NAV3: variants seen among roughly 807,000 people sequenced by gnomAD.
The protein encoded by NAV3 is neuron navigator 3, also known as pore membrane and/or filament interacting like protein 1.
NAV3 carries 87 observed loss-of-function variants against 244.7 expected under a neutral mutation model. That is an observed-to-expected ratio of 0.36 (90% CI 0.30 to 0.42). The LOEUF is 0.42. NAV3 is among the 20% of genes least tolerant of loss of function. The pLI, the probability that NAV3 is intolerant of heterozygous loss-of-function variation, is 1.00. For synonymous variants in NAV3, 1,126 were observed against 1,042.2 expected, an observed-to-expected ratio of 1.08 and a Z score of -1.55; for missense variants, 2,663 against 2,893.3, an observed-to-expected ratio of 0.92 and a Z score of 1.83.
chr12:78,206,814 TA>T (rs973514453), intron 39 of NAV3, among the ~76,000 whole-genome samples: 1 of 150,560 alleles, frequency 6.6e-6, no homozygotes, highest in Non-Finnish European at 1.5e-5. Context: ...TCTCTGGTTT[TA>T]AAAAAATAAA....
At chr12:77,970,363 A>G (rs1163697793) in intron 5 of NAV3, among the ~76,000 whole-genome samples, 1 of 152,150 alleles carries the variant, frequency 6.6e-6, no homozygotes, top group Non-Finnish European at 1.5e-5. Flanking sequence ...ACTTACTGTC[A>G]GTTGTTCAAC....
At chr12:77,950,778 T>A (rs984338530) in intron 3 of NAV3, 1 of 152,158 alleles carries the variant, frequency 6.6e-6, no homozygotes, top group Admixed American at 6.6e-5. Context: ...TCTACAACCA[T>A]GTGATCTTTG....
chr12:77,785,397 A>G (rs1378819045), intron 2 of NAV3, among the ~76,000 whole-genome samples: 1 of 152,118 alleles, frequency 6.6e-6, no homozygotes, highest in African/African-American at 2.4e-5. Context: ...TCTCCTAAAC[A>G]GAGATTGGGA....
intron 1 of NAV3, among the ~76,000 whole-genome samples, chr12:77,926,374 A>G (rs976291788): frequency 6.6e-6 from 1 of 152,156 alleles, no homozygotes; most frequent in Non-Finnish European, 1.5e-5. Flanking sequence ...TACCTTATGC[A>G]TCTTACCTTC....
At chr12:78,140,138 A>G (rs907825575) in intron 19 of NAV3, 144 bp from the exon 20 acceptor site, 119 of 666,802 alleles carry the variant, frequency 1.8e-4, no homozygotes, top group Middle Eastern at 4.0e-4. Flanking sequence ...CCAAAAAATT[A>G]TAGCAGGCTG....
At chr12:77,779,885 A>T (rs891730942) in intron 2 of NAV3, among the ~76,000 whole-genome samples, 1 of 152,226 alleles carries the variant, frequency 6.6e-6, no homozygotes, top group Admixed American at 6.5e-5. Flanking sequence ...GCCTCTTTGC[A>T]TCTTAAACAG....
intron 2 of NAV3, among the ~76,000 whole-genome samples, chr12:77,594,738 C>G (rs77907948): frequency 6.6e-6 from 1 of 152,168 alleles, no homozygotes. Flanking sequence ...AAGCAACATA[C>G]AGTAGAATAA....
intron 18 of NAV3, among the ~76,000 whole-genome samples, chr12:78,131,312 A>T (rs910225253): frequency 6.6e-6 from 1 of 152,218 alleles, no homozygotes; most frequent in African/African-American, 2.4e-5. Flanking sequence ...CATATCAAAC[A>T]CCAAGTTTTT....
At chr12:78,012,221 C>T (rs1875420283) in intron 8 of NAV3, among the ~76,000 whole-genome samples, 1 of 152,008 alleles carries the variant, frequency 6.6e-6, no homozygotes, top group Admixed American at 6.6e-5. Flanking sequence ...TGAAACATAC[C>T]CTCAATCAGA....
intron 1 of NAV3, among the ~76,000 whole-genome samples, chr12:77,939,826 G>T (rs1025164306): frequency 4.6e-5 from 7 of 152,134 alleles, no homozygotes; most frequent in Non-Finnish European, 5.9e-5. Flanking sequence ...AGACAGGAAG[G>T]TATTTGTAAT....
chr12:77,840,985 A>G (rs915045827), intron 1 of NAV3, among the ~76,000 whole-genome samples: 3 of 152,200 alleles, frequency 2.0e-5, no homozygotes, highest in Non-Finnish European at 2.9e-5. Context: ...TCTTTGACAA[A>G]TTTCACTTTG....
intron 2 of NAV3, among the ~76,000 whole-genome samples, chr12:77,732,077 A>G (rs1877150098): frequency 6.6e-6 from 1 of 151,994 alleles, no homozygotes; most frequent in African/African-American, 2.4e-5. Flanking sequence ...TAAAACATGT[A>G]TTTGGAATCA....
chr12:77,654,718 G>T (rs942792209), intron 2 of NAV3, among the ~76,000 whole-genome samples: 18 of 152,154 alleles, frequency 1.2e-4, no homozygotes, highest in African/African-American at 4.3e-4. Context: ...AGTAGGGGCA[G>T]ACTGACACCT....
At chr12:77,864,134 G>A (rs1879666958) in intron 1 of NAV3, among the ~76,000 whole-genome samples, 1 of 151,676 alleles carries the variant, frequency 6.6e-6, no homozygotes, top group Non-Finnish European at 1.5e-5. Context: ...CCCCCAATTT[G>A]GTTTGTACTT....
In NAV3 at chr12:77,573,642, A is replaced by G. The variant is rs74500568; in HGVS notation, c.72+1376A>G. 9.3e-3 allele frequency among the ~76,000 whole-genome samples: 1,420 copies of G among 152,254 alleles called. 22 individuals carry two copies. The highest frequency in any genetic ancestry group is 0.032 in the African/African-American group (1,319 of 41,546). ...CAATCTAAAGCATTCTCTGCAATTT[A>G]ACTACTAAGAAGCCATTTAATCATC... On this transcript the variant is annotated intron_variant, in intron 2 of 8. Transcript: ENST00000550042.
At chr12:77,915,479 A>G (rs978249593) in intron 1 of NAV3, among the ~76,000 whole-genome samples, 1 of 152,038 alleles carries the variant, frequency 6.6e-6, no homozygotes, top group African/African-American at 2.4e-5. Context: ...ACGTTTGACA[A>G]AAACAGGCAA....
chr12:78,032,067 G>C (rs527336724), intron 9 of NAV3, among the ~76,000 whole-genome samples: 3 of 151,988 alleles, frequency 2.0e-5, no homozygotes, highest in Non-Finnish European at 2.9e-5. Context: ...AAATAACTGA[G>C]CCCCTGAAAA....
chr12:77,755,583 C>CT (rs770337739), intron 2 of NAV3, among the ~76,000 whole-genome samples: 12 of 25,158 alleles, frequency 4.8e-4, no homozygotes, highest in East Asian at 2.5e-3. Flanking sequence ...CTTTCCTTTC[C>CT]TCCCTCCCTC....
Position 78,049,892 on chromosome 12 carries a change from C to T in NAV3, c.2024-101C>T, listed in dbSNP as rs1882474422. 5.9e-6 allele frequency: 4 copies of T among 679,910 alleles called. No homozygotes were observed. In the South Asian group the frequency reaches 5.9e-5, roughly 10 times the overall value. The allele number at this position is 679,910 out of a possible 1,614,324, so 42.1% of individuals were successfully genotyped here. On this transcript the variant is annotated intron_variant, in intron 9 of 39. Transcript: ENST00000397909. ...TAGTTATTTGAAATGTATTACATAT[C>T]CTTTTACTTTTAAGAAGAGGTGACT...
Sources: allele counts gnomAD v4.1 joint callset (sites outside exome capture counted in the v4.1 genomes callset), GRCh38; gene constraint gnomAD v4.1.1; transcripts MANE v1.5; gene names NCBI Gene and HGNC (gene_info 2026-07-23, HGNC 2026-07-21).